Variants in BBOF1 observed in about 807,000 individuals in gnomAD.
BBOF1 encodes basal body orientation factor 1.
Under a neutral mutation model 68.0 loss-of-function variants are expected in BBOF1, and 62 were observed. That is an observed-to-expected ratio of 0.91 (90% CI 0.74 to 1.13). The LOEUF (loss-of-function observed/expected upper bound fraction) is 1.13, where lower values mean the gene tolerates loss of function less well. Ranked by LOEUF, BBOF1 falls within the 50% of genes most tolerant of loss-of-function variation. BBOF1 has a pLI of 0.00. For synonymous variants in BBOF1, 208 were observed against 198.8 expected (o/e 1.05, Z -0.39); for missense variants, 534 against 600.1 (o/e 0.89, Z 1.15).
intron 9 of BBOF1, chr14:74,071,663 G>T: frequency 6.6e-7 from 1 of 1,526,178 alleles, no homozygotes. Flanking sequence ...GAGATTCTCT[G>T]AATGGGAAAA....
At chr14:74,045,127 A>G (rs568461144) in intron 5 of BBOF1, among the ~76,000 whole-genome samples, 22 of 152,286 alleles carry the variant, frequency 1.4e-4, no homozygotes, top group African/African-American at 4.8e-4. Flanking sequence ...TGATACATGT[A>G]ACATTCTTAG....
At chr14:74,068,207 T>C (rs1268480506), downstream of BBOF1, among the ~76,000 whole-genome samples, 1 of 150,894 alleles carries the variant, frequency 6.6e-6, no homozygotes, top group Non-Finnish European at 1.5e-5. Context: ...CAAGAAACCC[T>C]GTCTCTACTT....
intron 8 of BBOF1, chr14:74,055,122 A>G (rs1197118242): frequency 6.4e-6 from 1 of 156,402 alleles, no homozygotes. Flanking sequence ...TTTGTGATGG[A>G]TAGTTTGCTT....
intron 3 of BBOF1, among the ~76,000 whole-genome samples, chr14:74,030,744 G>T (rs911632853): frequency 1.3e-5 from 2 of 151,806 alleles, no homozygotes; most frequent in Non-Finnish European, 2.9e-5. Context: ...TGATCCGCCC[G>T]CCTTGGCCTC....
At chr14:74,046,169 C>G in intron 6 of BBOF1, 39 bp downstream of exon 6, 2 of 1,504,814 alleles carry the variant, frequency 1.3e-6, no homozygotes, top group Non-Finnish European at 9.1e-7. Context: ...CTGATTACCT[C>G]TCTTACCTCT....
At chr14:74,066,719 T>A (rs2060472504), downstream of BBOF1, 2 of 1,614,162 alleles carry the variant, frequency 1.2e-6, no homozygotes, top group Non-Finnish European at 1.7e-6. Context: ...ACATTCGAGA[T>A]GATGGTTGGT....
chr14:74,041,737 A>G (rs2059828368), intron 5 of BBOF1, among the ~76,000 whole-genome samples: 1 of 152,056 alleles, frequency 6.6e-6, no homozygotes, highest in African/African-American at 2.4e-5. Flanking sequence ...TATTTTTTGT[A>G]GAAATGGGGT....
At chr14:74,063,949 G>C (rs910371358) in intron 11 of BBOF1, among the ~76,000 whole-genome samples, 1 of 151,880 alleles carries the variant, frequency 6.6e-6, no homozygotes, top group Non-Finnish European at 1.5e-5. Context: ...CAGGCAATTT[G>C]GTTCCAGATC....
intron 7 of BBOF1, among the ~76,000 whole-genome samples, chr14:74,049,395 C>T (rs999960969): frequency 1.1e-4 from 16 of 151,956 alleles, no homozygotes; most frequent in South Asian, 2.1e-4. Flanking sequence ...AAAAATCAGC[C>T]GGGCGCAGTG....
downstream of BBOF1, chr14:74,069,107 T>TTC (rs1555377101): frequency 1.9e-6 from 2 of 1,067,898 alleles, no homozygotes; most frequent in Non-Finnish European, 2.6e-6. Flanking sequence ...TTTTCTTTTT[T>TTC]TTTTTTTTTT....
At chr14:74,033,782 C>T (rs534312262) in intron 3 of BBOF1, among the ~76,000 whole-genome samples, 2 of 151,952 alleles carry the variant, frequency 1.3e-5, no homozygotes, top group Non-Finnish European at 2.9e-5. Context: ...AAGAGAATGG[C>T]GTGAACCCGG....
Position 74,040,584 on chromosome 14 carries a change from A to T in BBOF1, c.515A>T (p.Asn172Ile). Residue 172 changes from asparagine (N) to isoleucine (I), a missense_variant, in exon 5 of 12, where the codon AAC becomes ATC. Coordinates refer to ENST00000394009, the MANE Select transcript of BBOF1 (RefSeq NM_025057.3). ...ELDDLKENLRNTERIHQETLR... is the reference protein window; with the variant it reads ...ELDDLKENLRITERIHQETLR... ...TTTTAGCTGAAAGAGAATTTAAGAAACACAGAGCGGATACATCAGGAGACT... is the reference window on the plus strand; with the variant it reads ...TTTTAGCTGAAAGAGAATTTAAGAATCACAGAGCGGATACATCAGGAGACT... The T allele has an allele frequency of 6.3e-7, 1 of 1,589,208 alleles. No homozygotes were observed. The highest frequency in any genetic ancestry group is 1.2e-5 in the South Asian group (1 of 85,374).
chr14:74,050,219 TC>T, intron 8 of BBOF1, 24 bp downstream of exon 8: 1 of 1,509,306 alleles, frequency 6.6e-7, no homozygotes, highest in Non-Finnish European at 8.8e-7. Flanking sequence ...TTTATTATTA[TC>T]TTTTTGCTGC....
chr14:74,027,385 CTTTTTTTTTTT>C (rs35107293), intron 2 of BBOF1, among the ~76,000 whole-genome samples: 6 of 61,102 alleles, frequency 9.8e-5, no homozygotes, highest in East Asian at 4.6e-4. Flanking sequence ...CCTCGCCCAG[CTTTTTTTTTTT>C]TTTTTTTTTT....
chr14:74,041,394 C>T (rs961762737), intron 5 of BBOF1, among the ~76,000 whole-genome samples: 1 of 152,196 alleles, frequency 6.6e-6, no homozygotes, highest in African/African-American at 2.4e-5. Flanking sequence ...GTGGGAAGTA[C>T]ACTGGAACAC....
chr14:74,065,185 C>T lies in BBOF1; in HGVS notation c.*486C>T, dbSNP rs747566637. ...TTAAAAATTCTGTTCACGAACCTGT[C>T]CAACATCCACCAAGTGGGCATATTT... On this transcript the variant is annotated 3_prime_UTR_variant, in exon 12 of 12. Transcript: ENST00000394009. 10 of 1,613,944 alleles carry T rather than the reference C, an allele frequency of 6.2e-6. No homozygotes were observed. Among genetic ancestry groups the T allele is most frequent in the African/African-American group, 1.3e-5 (1 of 74,890 alleles).
chr14:74,049,767 A>G lies in BBOF1; in HGVS notation c.858A>G (p.Gln286=), dbSNP rs1407836428. ...MQLVQQRSQI[Q]TLQKKVVNLE... is the part of the protein sequence containing the mutation. ...TTGTCCAGCAGAGATCACAAATCCA[A>G]ACCCTTCAGAAGAAGGTAGTAAACT... The change falls in exon 8 of 12, where the codon CAA becomes CAG. Residue 286 remains glutamine (Q), a synonymous_variant. Coordinates refer to ENST00000394009, the MANE Select transcript of BBOF1 (RefSeq NM_025057.3). 1.2e-6 allele frequency: 2 copies of G among 1,614,180 alleles called. No individual in the cohort carries two copies. The highest frequency in any genetic ancestry group is 1.7e-6 in the Non-Finnish European group (2 of 1,180,008).
At chr14:74,032,922 C>G (rs1202378398) in intron 3 of BBOF1, among the ~76,000 whole-genome samples, 1 of 151,874 alleles carries the variant, frequency 6.6e-6, no homozygotes, top group Non-Finnish European at 1.5e-5. Flanking sequence ...TTCCTTTTCT[C>G]TGTCCTCTTG....
chr14:74,059,352 T>C (rs1301932052), intron 11 of BBOF1: 1 of 456,516 alleles, frequency 2.2e-6, no homozygotes, highest in East Asian at 7.0e-5. Flanking sequence ...GTTGGAACAA[T>C]CCTTGATTTC....
Sources: allele counts gnomAD v4.1 joint callset (sites outside exome capture counted in the v4.1 genomes callset), GRCh38; gene constraint gnomAD v4.1.1; transcripts MANE v1.5; gene names NCBI Gene and HGNC (gene_info 2026-07-23, HGNC 2026-07-21).